The following BUB1B variants were observed in gnomAD, a reference collection of about 807,000 sequenced individuals.
BUB1B encodes BUB1 mitotic checkpoint serine/threonine kinase B, also known as mitotic checkpoint serine/threonine-protein kinase BUB1 beta.
Under a neutral mutation model 137.7 loss-of-function variants are expected in BUB1B, and 86 were observed. That is an observed-to-expected ratio of 0.62 (90% CI 0.52 to 0.75). The LOEUF is 0.75. Ranked by LOEUF, BUB1B falls within the 30% of genes least tolerant of loss-of-function variation. The pLI is 0.00. For missense variants in BUB1B, 1,130 were observed against 1,236.9 expected, an observed-to-expected ratio of 0.91 and a Z score of 1.30; for synonymous variants, 420 against 417.9, an observed-to-expected ratio of 1.00 and a Z score of -0.06.
intron 8 of BUB1B, 92 bp from the exon 9 acceptor site, chr15:40,196,453 G>T (rs2037498802): frequency 8.6e-7 from 1 of 1,165,198 alleles, no homozygotes; most frequent in East Asian, 2.4e-5. Context: ...AATTATTGAT[G>T]GCCCTTGTAA....
intron 15 of BUB1B, among the ~76,000 whole-genome samples, chr15:40,206,841 ACT>A (rs1229164310): frequency 1.2e-4 from 19 of 152,062 alleles, no homozygotes; most frequent in Admixed American, 9.8e-4. Flanking sequence ...ATGGAGTCTC[ACT>A]CTGTCGCCCA....
intron 2 of BUB1B, 134 bp downstream of exon 2, chr15:40,165,330 T>A: frequency 2.6e-6 from 3 of 1,136,160 alleles, no homozygotes; most frequent in Admixed American, 1.9e-5. Flanking sequence ...GTTCTCTACC[T>A]GCTTTCGTAT....
chr15:40,192,790 A>G (rs1202927185), intron 8 of BUB1B, among the ~76,000 whole-genome samples: 1 of 152,238 alleles, frequency 6.6e-6, no homozygotes, highest in African/African-American at 2.4e-5. Context: ...ATTCGCCCAC[A>G]GGAGGTCATT....
At position 40,208,777 on chromosome 15, in the gene BUB1B, T is replaced by C. The variant is rs1223893787; in HGVS notation, c.2143+7T>C. On this transcript the variant is annotated splice_region_variant and intron_variant, in intron 16 of 22. Transcript: ENST00000287598. ...CTTACTAATGAGACTTCAGGTAGGA[T>C]ATACATACCACTATATCCATGCCTA... The C allele has an allele frequency of 6.2e-7, 1 of 1,606,896 alleles. No homozygotes were observed. The highest frequency in any genetic ancestry group is 1.7e-5 in the Admixed American group (1 of 60,012).
At chr15:40,193,823 G>A (rs1462211928) in intron 8 of BUB1B, among the ~76,000 whole-genome samples, 1 of 151,942 alleles carries the variant, frequency 6.6e-6, no homozygotes, top group Non-Finnish European at 1.5e-5. Flanking sequence ...GAACCTGAGA[G>A]GCGGAGGTTG....
intron 20 of BUB1B, among the ~76,000 whole-genome samples, chr15:40,214,927 G>A (rs970983202): frequency 2.2e-5 from 3 of 133,698 alleles, no homozygotes; most frequent in African/African-American, 8.5e-5. Flanking sequence ...GAGAACCCCT[G>A]GTATATTTTC....
chr15:40,180,564 C>T (rs934478112), intron 5 of BUB1B, among the ~76,000 whole-genome samples: 3 of 151,748 alleles, frequency 2.0e-5, no homozygotes, highest in African/African-American at 7.2e-5. Context: ...CTGTACCCAG[C>T]CAACATTTCT....
In BUB1B at chr15:40,198,241, T is replaced by TG. The variant is rs1319032504; in HGVS notation, c.1289-1374_1289-1373insG. On this transcript the variant is annotated intron_variant, in intron 9 of 22. Transcript: ENST00000287598. ...TTTTTAATACTCATTTCTATTGTGT[T>TG]TTTTTTTTTTTTAAATAGAGAGATG... Among the ~76,000 whole-genome samples the TG allele has an allele frequency of 2.0e-5, 3 of 149,370 alleles. No individual in the cohort carries two copies. In the East Asian group the frequency reaches 5.8e-4, roughly 29 times the overall value.
chr15:40,213,151 C>A (rs867724020), intron 19 of BUB1B, among the ~76,000 whole-genome samples, 181 bp from the exon 20 acceptor site: 3 of 152,166 alleles, frequency 2.0e-5, no homozygotes, highest in African/African-American at 7.2e-5. Context: ...TAAATCCTTA[C>A]AAACAATCTT....
At chr15:40,176,740 C>G in intron 5 of BUB1B, 67 bp downstream of exon 5, 1 of 1,522,678 alleles carries the variant, frequency 6.6e-7, no homozygotes, top group Admixed American at 1.7e-5. Flanking sequence ...TTTTTTGCAT[C>G]TGAATAAAGT....
chr15:40,162,600 T>C (rs568369520), intron 1 of BUB1B, among the ~76,000 whole-genome samples: 1 of 152,264 alleles, frequency 6.6e-6, no homozygotes, highest in East Asian at 1.9e-4. Context: ...GTAGAACCAG[T>C]AGGACTTGCT....
intron 1 of BUB1B, 136 bp downstream of exon 1, chr15:40,161,391 T>A: frequency 1.9e-6 from 2 of 1,030,216 alleles, no homozygotes; most frequent in Non-Finnish European, 2.7e-6. Context: ...TCCTTCCTTT[T>A]GGAGTAGAAT....
Position 40,216,547 on chromosome 15 carries a change from CTATATA to C in BUB1B, c.2679-929_2679-924del, listed in dbSNP as rs763770679. On this transcript the variant is annotated intron_variant, in intron 20 of 22. Coordinates refer to ENST00000287598, the MANE Select transcript of BUB1B (RefSeq NM_001211.6). ...CACGATCCCTATAACTATATATATA[CTATATA>C]TATATATATATATATATATTTTTTT... Among the ~76,000 whole-genome samples the C allele has an allele frequency of 5.2e-3, 656 of 125,478 alleles. 4 individuals carry two copies. Among genetic ancestry groups the C allele is most frequent in the Middle Eastern group, 0.02 (5 of 254 alleles). 82.3% of individuals were successfully genotyped at this position (125,478 alleles called of 152,430 possible). A position where few individuals can be genotyped will look rare whatever the true frequency, so the allele number is the denominator to read the frequency against.
chr15:40,178,906 T>TAA lies in BUB1B; in HGVS notation c.581+2241_581+2242dup, dbSNP rs544493631. On this transcript the variant is annotated intron_variant, in intron 5 of 22. Coordinates refer to ENST00000287598, the MANE Select transcript of BUB1B (RefSeq NM_001211.6). ...TTTCTTTACTTTTTAAAAACCACAT[T>TAA]AAAAAAAAACCACTCTTAGAGTTGT... Among the ~76,000 whole-genome samples, 7 of 150,578 alleles carry TAA rather than the reference T, an allele frequency of 4.6e-5. No individual in the cohort carries two copies. The East Asian group carries it at 1.4e-3, about 30-fold the overall frequency.
intron 14 of BUB1B, among the ~76,000 whole-genome samples, chr15:40,203,059 A>G (rs889758085): frequency 6.6e-6 from 1 of 152,248 alleles, no homozygotes. Flanking sequence ...GCCCAGGTAT[A>G]TACTCAAAAT....
rs139725637 is a variant in BUB1B at position 40,194,463 on chromosome 15, G to C, written c.1059-2082G>C. Among the ~76,000 whole-genome samples the C allele has an allele frequency of 2.1e-3, 321 of 152,322 alleles. 2 individuals carry two copies. The highest frequency in any genetic ancestry group is 7.5e-3 in the African/African-American group (311 of 41,562). ...TTTTACCATGAAGTATGATGTTAGT[G>C]TGGGTTTTTCATAGATGTCCTCTAG... On this transcript the variant is annotated intron_variant, in intron 8 of 22. Coordinates refer to ENST00000287598, the MANE Select transcript of BUB1B (RefSeq NM_001211.6).
intron 14 of BUB1B, among the ~76,000 whole-genome samples, chr15:40,205,322 A>G (rs1464112034): frequency 6.6e-6 from 1 of 152,106 alleles, no homozygotes; most frequent in Non-Finnish European, 1.5e-5. Context: ...CAGAAATTCA[A>G]AGTATGTGTC....
At chr15:40,198,704 T>C (rs2037528508) in intron 9 of BUB1B, among the ~76,000 whole-genome samples, 1 of 152,186 alleles carries the variant, frequency 6.6e-6, no homozygotes. Flanking sequence ...GCCTCCTTAG[T>C]GTACTCACCT....
intron 6 of BUB1B, among the ~76,000 whole-genome samples, chr15:40,184,584 C>T (rs548525385): frequency 2.6e-5 from 4 of 152,174 alleles, no homozygotes; most frequent in African/African-American, 9.6e-5. Flanking sequence ...GTAAACCAGG[C>T]TGTTTTTTTA....
Sources: allele counts gnomAD v4.1 joint callset (sites outside exome capture counted in the v4.1 genomes callset), GRCh38; gene constraint gnomAD v4.1.1; transcripts MANE v1.5; gene names NCBI Gene and HGNC (gene_info 2026-07-23, HGNC 2026-07-21).